Variants in RAPGEF5 observed in about 807,000 individuals in gnomAD.
RAPGEF5 encodes the protein Rap guanine nucleotide exchange factor 5, also known as M-Ras-regulated GEF.
RAPGEF5 carries 65 observed loss-of-function variants against 125.2 expected under a neutral mutation model. The ratio of observed to expected loss-of-function variants is 0.52; its 90% confidence interval spans 0.43 to 0.64. RAPGEF5 has a LOEUF of 0.64. Among genes scored for constraint, RAPGEF5 ranks in the 30% least tolerant of loss-of-function variants. The pLI is 0.00. For missense variants in RAPGEF5, 958 were observed against 1,048.1 expected (o/e 0.91, Z 1.19); for synonymous variants, 391 against 385.9 (o/e 1.01, Z -0.16).
At chr7:22,343,735 C>T (rs564880149) in intron 1 of RAPGEF5, among the ~76,000 whole-genome samples, 1 of 152,166 alleles carries the variant, frequency 6.6e-6, no homozygotes, top group Admixed American at 6.5e-5. Context: ...GGCAAAGGAA[C>T]CAAAGGTGTA....
chr7:22,265,654 C>T (rs981136959), intron 7 of RAPGEF5, among the ~76,000 whole-genome samples: 5 of 147,180 alleles, frequency 3.4e-5, no homozygotes. Flanking sequence ...AACCTCCATA[C>T]TGTTTCCCAT....
At chr7:22,203,676 G>A (rs1207757545) in intron 9 of RAPGEF5, among the ~76,000 whole-genome samples, 2 of 152,162 alleles carry the variant, frequency 1.3e-5, no homozygotes, top group African/African-American at 2.4e-5. Context: ...TAGAAGGCCC[G>A]AGGGAATAGG....
At chr7:22,127,419 T>C (rs929739242) in intron 24 of RAPGEF5, among the ~76,000 whole-genome samples, 3 of 152,324 alleles carry the variant, frequency 2.0e-5, no homozygotes, top group African/African-American at 7.2e-5. Flanking sequence ...GAGTGAGCTG[T>C]CTCTACCACT....
At chr7:22,252,905 G>A (rs529965171) in intron 7 of RAPGEF5, among the ~76,000 whole-genome samples, 76 of 152,076 alleles carry the variant, frequency 5.0e-4, no homozygotes, top group Non-Finnish European at 9.6e-4. Context: ...ACTTTACAAT[G>A]CATTAAGAAT....
At chr7:22,252,930 T>G (rs1048162269) in intron 7 of RAPGEF5, among the ~76,000 whole-genome samples, 3 of 152,164 alleles carry the variant, frequency 2.0e-5, no homozygotes, top group African/African-American at 7.2e-5. Flanking sequence ...GTTTTAAGAT[T>G]CTTATGATGG....
intron 8 of RAPGEF5, among the ~76,000 whole-genome samples, chr7:22,224,389 T>C (rs917151495): frequency 2.0e-5 from 3 of 152,184 alleles, no homozygotes; most frequent in Admixed American, 6.5e-5. Context: ...CTTAAATGCT[T>C]TGACACTTAA....
intron 9 of RAPGEF5, among the ~76,000 whole-genome samples, chr7:22,207,789 G>T (rs78852216): frequency 0.034 from 5,240 of 152,198 alleles, 206 homozygotes; most frequent in South Asian, 0.16. Flanking sequence ...AGAAAATGGG[G>T]AAGGGAATGA....
At chr7:22,251,167 T>C (rs1562488960) in intron 7 of RAPGEF5, among the ~76,000 whole-genome samples, 1 of 152,214 alleles carries the variant, frequency 6.6e-6, no homozygotes, top group Non-Finnish European at 1.5e-5. Flanking sequence ...TATTTAATAT[T>C]TTAAAACATC....
At chr7:22,157,580 C>T (rs1249363216) in intron 15 of RAPGEF5, among the ~76,000 whole-genome samples, 3 of 152,150 alleles carry the variant, frequency 2.0e-5, no homozygotes, top group Non-Finnish European at 4.4e-5. Context: ...TTATATCACT[C>T]CAGGGATAGC....
intron 1 of RAPGEF5, among the ~76,000 whole-genome samples, chr7:22,351,541 C>T (rs1054708052): frequency 1.3e-5 from 2 of 152,142 alleles, no homozygotes; most frequent in South Asian, 2.1e-4. Context: ...TCTGTAACCT[C>T]GGGCAAATTA....
chr7:22,266,079 A>G (rs1245703969), intron 7 of RAPGEF5, among the ~76,000 whole-genome samples: 5 of 152,222 alleles, frequency 3.3e-5, no homozygotes, highest in Admixed American at 6.5e-5. Flanking sequence ...CTGAGAAAAA[A>G]TCAAATTCTT....
At chr7:22,232,763 T>C (rs1786091050) in intron 7 of RAPGEF5, among the ~76,000 whole-genome samples, 1 of 152,226 alleles carries the variant, frequency 6.6e-6, no homozygotes, top group Non-Finnish European at 1.5e-5. Flanking sequence ...ACAGTAGGGC[T>C]CTGCAAATGC....
chr7:22,333,148 C>G (rs949205698), intron 1 of RAPGEF5, among the ~76,000 whole-genome samples: 3 of 152,112 alleles, frequency 2.0e-5, no homozygotes, highest in African/African-American at 7.2e-5. Context: ...TCATGTTAAA[C>G]TGTCACGAAA....
rs548535169 is a variant in RAPGEF5 at position 22,300,461 on chromosome 7, C to T, written c.680+7878G>A. 5.1e-4 allele frequency among the ~76,000 whole-genome samples: 78 copies of T among 152,246 alleles called. 1 individual carries two copies. Among genetic ancestry groups the T allele is most frequent in the African/African-American group, 1.8e-3 (73 of 41,548 alleles). ...TAGACATTAATTGCTTTTCCTTTGA[C>T]AAATGGTCATATTTTCCTGATTATT... On this transcript the variant is annotated intron_variant, in intron 5 of 25. Coordinates refer to ENST00000665637, the MANE Select transcript of RAPGEF5 (RefSeq NM_012294.5).
intron 1 of RAPGEF5, among the ~76,000 whole-genome samples, chr7:22,353,785 C>T (rs1784372182): frequency 6.6e-6 from 1 of 152,136 alleles, no homozygotes; most frequent in South Asian, 2.1e-4. Context: ...CTGAATTCAA[C>T]ACAACTAGAA....
chr7:22,276,889 T>C (rs527735947), intron 6 of RAPGEF5, among the ~76,000 whole-genome samples: 2 of 152,356 alleles, frequency 1.3e-5, no homozygotes, highest in South Asian at 4.1e-4. Context: ...CTCATCACAT[T>C]ATTAGAATAT....
At chr7:22,149,303 C>G (rs1036243055) in intron 18 of RAPGEF5, among the ~76,000 whole-genome samples, 8 of 152,232 alleles carry the variant, frequency 5.3e-5, no homozygotes, top group Non-Finnish European at 1.0e-4. Flanking sequence ...AAACTATTAT[C>G]AGTAGTTTGG....
chr7:22,288,526 CTTTT>C (rs56683554), intron 6 of RAPGEF5, among the ~76,000 whole-genome samples: 1 of 142,380 alleles, frequency 7.0e-6, no homozygotes, highest in Admixed American at 6.9e-5. Context: ...CTTTTCTTTT[CTTTT>C]TTTTTTTTTT....
At chr7:22,179,598 A>C (rs1252831370) in intron 11 of RAPGEF5, among the ~76,000 whole-genome samples, 2 of 152,190 alleles carry the variant, frequency 1.3e-5, no homozygotes, top group Non-Finnish European at 2.9e-5. Context: ...AAGGCATCCT[A>C]AACCACAGGG....
Sources: allele counts gnomAD v4.1 joint callset (sites outside exome capture counted in the v4.1 genomes callset), GRCh38; gene constraint gnomAD v4.1.1; transcripts MANE v1.5; gene names NCBI Gene and HGNC (gene_info 2026-07-23, HGNC 2026-07-21).